The following PRKCZ variants were observed in gnomAD, a reference collection of about 807,000 sequenced individuals.
PRKCZ encodes the protein protein kinase C zeta.
A neutral mutation model predicts 79.5 loss-of-function variants in PRKCZ; 33 were observed. That is an observed-to-expected ratio of 0.41 (90% CI 0.31 to 0.55). PRKCZ has a LOEUF of 0.55. Ranked by LOEUF, PRKCZ falls within the 20% of genes least tolerant of loss-of-function variation. The pLI is 0.19. For missense variants in PRKCZ, 578 were observed against 813.5 expected, an observed-to-expected ratio of 0.71 and a Z score of 3.52; for synonymous variants, 342 against 320.9, an observed-to-expected ratio of 1.07 and a Z score of -0.70.
chr1:2,175,008 C>A (rs565015463), intron 15 of PRKCZ, among the ~76,000 whole-genome samples, 175 bp downstream of exon 15: 1 of 152,126 alleles, frequency 6.6e-6, no homozygotes, highest in African/African-American at 2.4e-5. Flanking sequence ...CGTTTTTACT[C>A]ACACCTAACA....
In PRKCZ at chr1:2,172,872, G is replaced by A. The variant is rs1329120131; in HGVS notation, c.1285+484G>A. Among the ~76,000 whole-genome samples the A allele has an allele frequency of 2.0e-5, 3 of 151,768 alleles. No homozygotes were observed. The highest frequency in any genetic ancestry group is 2.1e-4 in the South Asian group (1 of 4,806). ...GGGACATGGGCACGCGTGTGCAGCCGTGTGTGCGTGTGTGAAACGGGGACG... is the reference window on the plus strand; with the variant it reads ...GGGACATGGGCACGCGTGTGCAGCCATGTGTGCGTGTGTGAAACGGGGACG... On this transcript the variant is annotated intron_variant, in intron 13 of 17. Transcript: ENST00000378567. The surrounding 1 kb of genome is among the most constrained non-coding windows in gnomAD (Gnocchi z 7.8).
intron 1 of PRKCZ, among the ~76,000 whole-genome samples, chr1:2,051,267 G>A (rs1182331363): frequency 2.0e-5 from 3 of 152,202 alleles, no homozygotes; most frequent in Non-Finnish European, 4.4e-5. Flanking sequence ...CCGCCCCCCG[G>A]AGGCCCTTGC....
intron 4 of PRKCZ, among the ~76,000 whole-genome samples, chr1:2,104,208 C>CCCT (rs1025080280): frequency 6.2e-4 from 94 of 152,236 alleles, no homozygotes; most frequent in Non-Finnish European, 6.0e-4. Context: ...TTCCCCAGGG[C>CCCT]CCTCATCACC....
At chr1:2,086,657 C>T (rs557521510) in intron 4 of PRKCZ, among the ~76,000 whole-genome samples, 1 of 152,358 alleles carries the variant, frequency 6.6e-6, no homozygotes, top group Non-Finnish European at 1.5e-5. Context: ...CTGCCTGCTG[C>T]TCCTGGGGGC....
Position 2,168,582 on chromosome 1 carries a change from T to C in PRKCZ, c.975-936T>C, listed in dbSNP as rs1683790064. Among the ~76,000 whole-genome samples, 1 of 152,188 alleles carries C rather than the reference T, an allele frequency of 6.6e-6. No individual in the cohort carries two copies. The highest frequency in any genetic ancestry group is 6.5e-5 in the Admixed American group (1 of 15,276). ...GCCCTGTGTAAACTGGCCTCTGTCC[T>C]CTCTGGCTTAATTCTGGGAGCTTGT... is the stretch of plus-strand genomic sequence containing the variant. On this transcript the variant is annotated intron_variant, in intron 10 of 17. Coordinates refer to ENST00000378567, the MANE Select transcript of PRKCZ (RefSeq NM_002744.6). The surrounding 1 kb of genome is among the most constrained non-coding windows in gnomAD (Gnocchi z 4.7).
At chr1:2,182,086 C>T (rs543783979) in intron 16 of PRKCZ, 15 of 305,062 alleles carry the variant, frequency 4.9e-5, no homozygotes, top group South Asian at 3.6e-4. Flanking sequence ...TTTGTGGCAT[C>T]CTAGTAGATG....
At chr1:2,166,236 T>C (rs1432874615) in intron 10 of PRKCZ, among the ~76,000 whole-genome samples, 1 of 152,084 alleles carries the variant, frequency 6.6e-6, no homozygotes, top group Non-Finnish European at 1.5e-5. Context: ...CTGGGAAATA[T>C]CTCGAGACCC....
chr1:2,113,866 A>AGG (rs1293151653), intron 4 of PRKCZ, among the ~76,000 whole-genome samples: 2 of 152,074 alleles, frequency 1.3e-5, no homozygotes, highest in East Asian at 3.9e-4. Context: ...GGCAGGGAGA[A>AGG]GGGACCGCAG....
At chr1:2,070,555 G>A (rs750143139) in intron 4 of PRKCZ, among the ~76,000 whole-genome samples, 1 of 152,198 alleles carries the variant, frequency 6.6e-6, no homozygotes, top group Non-Finnish European at 1.5e-5. Context: ...GATGTTAATA[G>A]CAGGTCTCTG....
intron 4 of PRKCZ, among the ~76,000 whole-genome samples, chr1:2,105,690 A>G (rs1668275642): frequency 6.6e-6 from 1 of 151,946 alleles, no homozygotes. Flanking sequence ...GTGAGCTGCC[A>G]CTCCTGGCCA....
rs115231701 is a variant in PRKCZ, at chr1:2,180,584, C to T, written c.1576-3999C>T. 4.5e-3 allele frequency among the ~76,000 whole-genome samples: 679 copies of T among 151,754 alleles called. 9 individuals carry two copies. Among genetic ancestry groups the T allele is most frequent in the African/African-American group, 0.016 (658 of 41,354 alleles). On this transcript the variant is annotated intron_variant, in intron 16 of 17. Transcript: ENST00000378567. Reference sequence around the variant, plus strand: ...GACGTGGACGCACAGATGACCTGGACGCACGGACGACGTGGACGCACGGAT... The same window carrying T: ...GACGTGGACGCACAGATGACCTGGATGCACGGACGACGTGGACGCACGGAT...
chr1:2,140,656 CA>C (rs1009703783), intron 5 of PRKCZ, among the ~76,000 whole-genome samples: 3 of 147,334 alleles, frequency 2.0e-5, no homozygotes, highest in African/African-American at 5.0e-5. Flanking sequence ...GACTCCGTCT[CA>C]AAAAAAAAGA....
rs564488328 is a variant in PRKCZ, at chr1:2,054,323, G to A, written c.72-1118G>A. 8.5e-5 allele frequency among the ~76,000 whole-genome samples: 13 copies of A among 152,232 alleles called. No homozygotes were observed. The East Asian group carries it at 2.5e-3, about 29-fold the overall frequency. On this transcript the variant is annotated intron_variant, in intron 1 of 17. Transcript: ENST00000378567. ...TCTGAAAATTCAGTGTGTTCACAAG[G>A]GTGTGATTCCCGCTCTGAGTTTCAG...
intron 17 of PRKCZ, 110 bp from the exon 18 acceptor site, chr1:2,184,809 TGTC>T: frequency 7.3e-7 from 1 of 1,373,628 alleles, no homozygotes; most frequent in African/African-American, 1.4e-5. Flanking sequence ...ACCCGCCTGG[TGTC>T]ATCTCTCCAG....
rs1457364023 is a variant in PRKCZ, at chr1:2,175,298, C to T, written c.1560C>T (p.Ser520=). 3 of 1,613,260 alleles carry T rather than the reference C, an allele frequency of 1.9e-6. No individual in the cohort carries two copies. The highest frequency in any genetic ancestry group is 1.7e-5 in the Admixed American group (1 of 59,960). ...TCAAGTCCCACGCGTTCTTCCGCAGCATAGACTGGGACTTGGTAAAGCATC... is the reference window on the plus strand; with the variant it reads ...TCAAGTCCCACGCGTTCTTCCGCAGTATAGACTGGGACTTGGTAAAGCATC... ...SDIKSHAFFR[S]IDWDLLEKKQ... Residue 520 remains serine (S), a synonymous_variant, in exon 16 of 18, where the codon AGC becomes AGT. Coordinates refer to ENST00000378567, the MANE Select transcript of PRKCZ (RefSeq NM_002744.6).
intron 1 of PRKCZ, 27 bp from the exon 2 acceptor site, chr1:2,055,414 C>T (rs914288968): frequency 3.2e-6 from 5 of 1,575,884 alleles, no homozygotes; most frequent in African/African-American, 1.4e-5. Context: ...CCCACGGTAA[C>T]AGATGCCCAT....
chr1:2,153,321 TG>T (rs1680275251), intron 9 of PRKCZ, among the ~76,000 whole-genome samples: 1 of 152,400 alleles, frequency 6.6e-6, no homozygotes, highest in Middle Eastern at 3.4e-3. Context: ...GGCCAACGTG[TG>T]GGTGGCAGTA....
At position 2,118,711 on chromosome 1, in the gene PRKCZ, C is replaced by CTGTG. The variant is rs1489236346; in HGVS notation, c.335-16550_335-16549insGTGT. Among the ~76,000 whole-genome samples, 12 of 66,182 alleles carry CTGTG rather than the reference C, an allele frequency of 1.8e-4. No homozygotes were observed. In the East Asian group the frequency reaches 1.8e-3, roughly 10 times the overall value. 43.4% of individuals were successfully genotyped at this position (66,182 alleles called of 152,430 possible). A position where few individuals can be genotyped will look rare whatever the true frequency, so the allele number is the denominator to read the frequency against. On this transcript the variant is annotated intron_variant, in intron 4 of 17. Transcript: ENST00000378567. ...TATGATGTTAGTGTGACCACACCAGCTCTGTGTGTGTGTGTGTGTGTGTGT... is the reference window on the plus strand; with the variant it reads ...TATGATGTTAGTGTGACCACACCAGCTGTGTCTGTGTGTGTGTGTGTGTGTGTGT...
rs367917640 is a variant in PRKCZ at position 2,056,484 on chromosome 1, G to A, written c.194G>A (p.Gly65Asp). The A allele has an allele frequency of 5.0e-6, 8 of 1,613,116 alleles. No individual in the cohort carries two copies. The African/African-American group carries it at 1.1e-4, about 22-fold the overall frequency. The change falls in exon 3 of 18, where the codon GGT (glycine) becomes GAT (aspartate). Residue 65 changes from glycine (G) to aspartate (D), a missense_variant and splice_region_variant. Physicochemically the swap from Gly to Asp is moderately conservative, Grantham distance 94. This residue lies in a region of PRKCZ where 228 missense variants were observed against 211.6 expected (regional missense o/e 1.08). Coordinates refer to ENST00000378567, the MANE Select transcript of PRKCZ (RefSeq NM_002744.6). ...PLTLKWVDSE[G>D]DPCTVSSQME... The stretch of plus-strand genomic sequence containing the variant: ...CAGCACCGTCTCCTGCCCCACCCAG[G>A]TGACCCTTGCACGGTGTCCTCCCAG...
Sources: gnomAD v4.1 joint callset for allele counts (sites outside exome capture counted in the v4.1 genomes callset) on GRCh38, gnomAD v4.1.1 for gene constraint, gnomAD v4.1.1 regional missense constraint, Gnocchi (gnomAD v3.1) non-coding constraint, MANE v1.5 for transcripts, NCBI Gene and HGNC (gene_info 2026-07-23, HGNC 2026-07-21) for gene names.